The following NKD1 variants were observed in gnomAD, a reference collection of about 807,000 sequenced individuals.
NKD1 encodes protein naked cuticle homolog 1.
Under a neutral mutation model 56.0 loss-of-function variants are expected in NKD1, and 21 were observed. The observed-to-expected ratio is 0.38, with a 90% confidence interval of 0.27 to 0.54. The LOEUF is 0.54. Among genes scored for constraint, NKD1 ranks in the 20% least tolerant of loss-of-function variants. The pLI is 0.82. For missense variants in NKD1, 578 were observed against 642.7 expected (o/e 0.90, Z 1.09); for synonymous variants, 263 against 265.7 (o/e 0.99, Z 0.10).
chr16:50,618,404 C>G (rs11862424), intron 4 of NKD1, among the ~76,000 whole-genome samples: 1 of 152,164 alleles, frequency 6.6e-6, no homozygotes, highest in Non-Finnish European at 1.5e-5. Flanking sequence ...TGGCCTGCAG[C>G]GAGCACCAGT....
intron 6 of NKD1, among the ~76,000 whole-genome samples, chr16:50,627,789 G>A (rs887922425): frequency 3.3e-5 from 5 of 152,194 alleles, no homozygotes; most frequent in African/African-American, 4.8e-5. Flanking sequence ...AGCTAGAATT[G>A]CCAAAGCACA....
intron 3 of NKD1, among the ~76,000 whole-genome samples, chr16:50,589,761 TCTCTC>T (rs59102405): frequency 0.01 from 482 of 47,738 alleles, 15 homozygotes; most frequent in Admixed American, 0.014. Context: ...TCTCTTCTCT[TCTCTC>T]CTCTCCTCTC....
intron 3 of NKD1, chr16:50,557,124 A>T (rs557747277): frequency 6.6e-6 from 1 of 152,204 alleles, no homozygotes; most frequent in African/African-American, 2.4e-5. Flanking sequence ...TGGTACCTAG[A>T]GTGAAGGCCT....
rs1008501383 is a variant in NKD1 at position 50,642,814 on chromosome 16, G to T, written c.*9033G>T. 1 of 152,274 alleles carries T rather than the reference G, an allele frequency of 6.6e-6. No homozygotes were observed. Among genetic ancestry groups the T allele is most frequent in the African/African-American group, 2.4e-5 (1 of 41,452 alleles). 9.4% of individuals were successfully genotyped at this position (152,274 alleles called of 1,614,324 possible). A position where few individuals can be genotyped will look rare whatever the true frequency, so the allele number is the denominator to read the frequency against. On this transcript the variant is annotated 3_prime_UTR_variant, in exon 10 of 10. Coordinates refer to ENST00000268459, the MANE Select transcript of NKD1 (RefSeq NM_033119.5). ...CCCAGTGAGACAGCTGCTGTGGCAT[G>T]CTGCCTCTGCTACACACTCAAAAAA...
chr16:50,632,060 G>C lies in NKD1; in HGVS notation c.696-221G>C, dbSNP rs542505586. ...CACTCCTCCCAGAAGCTGCGGGGAG[G>C]TCGGGCTGTGGGCTGTGGTCTATGG... On this transcript the variant is annotated intron_variant, in intron 8 of 9. Coordinates refer to ENST00000268459, the MANE Select transcript of NKD1 (RefSeq NM_033119.5). This position sits in a 1 kb window ranked among gnomAD's most constrained non-coding sequence, Gnocchi z 4.1. Among the ~76,000 whole-genome samples, 2 of 152,336 alleles carry C rather than the reference G, an allele frequency of 1.3e-5. No individual in the cohort carries two copies. The highest frequency in any genetic ancestry group is 4.8e-5 in the African/African-American group (2 of 41,566).
At position 50,632,320 on chromosome 16, in the gene NKD1, C is replaced by T. The variant is rs747878907; in HGVS notation, c.735C>T (p.Tyr245=). The T allele has an allele frequency of 6.2e-7, 1 of 1,614,134 alleles. No individual in the cohort carries two copies. The highest frequency in any genetic ancestry group is 1.7e-5 in the Admixed American group (1 of 60,026). The change falls in exon 9 of 10, where the codon TAC becomes TAT. Residue 245 remains tyrosine, a synonymous_variant. Coordinates refer to ENST00000268459, the MANE Select transcript of NKD1 (RefSeq NM_033119.5). This position sits in a 1 kb window ranked among gnomAD's most constrained non-coding sequence, Gnocchi z 4.1. Reference sequence around the variant, plus strand: ...GCCGCCTGGAGCAGTCTGGCTGCTACCACCATTGCGTAGATGAGAACATCG... The same window carrying T: ...GCCGCCTGGAGCAGTCTGGCTGCTATCACCATTGCGTAGATGAGAACATCG... ...GDSRLEQSGC[Y]HHCVDENIER...
Position 50,554,135 on chromosome 16 carries a change from C to T in NKD1, c.192+4580C>T, listed in dbSNP as rs375325059. ...GGAGGCTGGATGCCCCTGAGCCAGA[C>T]TGTGCATGCCTTCTGTTCTCTAGAG... is the stretch of plus-strand genomic sequence containing the variant. On this transcript the variant is annotated intron_variant, in intron 3 of 9. Coordinates refer to ENST00000268459, the MANE Select transcript of NKD1 (RefSeq NM_033119.5). 7.9e-5 allele frequency among the ~76,000 whole-genome samples: 12 copies of T among 152,326 alleles called. 1 individual carries two copies. Among genetic ancestry groups the T allele is most frequent in the Admixed American group, 3.9e-4 (6 of 15,302 alleles).
At chr16:50,613,157 C>T (rs1596743300) in intron 4 of NKD1, among the ~76,000 whole-genome samples, 1 of 152,176 alleles carries the variant, frequency 6.6e-6, no homozygotes, top group African/African-American at 2.4e-5. Flanking sequence ...GGGTGACCAT[C>T]AAGCCTCCCG....
At chr16:50,621,546 G>A in intron 4 of NKD1, 56 bp from the exon 5 acceptor site, 8 of 1,308,634 alleles carry the variant, frequency 6.1e-6, no homozygotes, top group Non-Finnish European at 8.7e-6. Flanking sequence ...CAGTGAGCAT[G>A]GCTGCCCGGC....
At chr16:50,561,852 C>T (rs150276285) in intron 3 of NKD1, among the ~76,000 whole-genome samples, 4 of 152,072 alleles carry the variant, frequency 2.6e-5, no homozygotes, top group South Asian at 2.1e-4. Context: ...CACAGTCTAC[C>T]GGAGAGTAGG....
intron 3 of NKD1, among the ~76,000 whole-genome samples, chr16:50,580,911 CT>C (rs1252039113): frequency 6.6e-6 from 1 of 152,092 alleles, no homozygotes; most frequent in Non-Finnish European, 1.5e-5. Context: ...TTCTATAGAA[CT>C]ATATTGCTTT....
Position 50,640,733 on chromosome 16 carries a change from A to C in NKD1, c.*6952A>C, listed in dbSNP as rs777236937. 6.6e-6 allele frequency: 1 copy of C among 152,240 alleles called. No homozygotes were observed. Among genetic ancestry groups the C allele is most frequent in the Non-Finnish European group, 1.5e-5 (1 of 68,040 alleles). The allele number at this position is 152,240 out of a possible 1,614,324, so 9.4% of individuals were successfully genotyped here. A position where few individuals can be genotyped will look rare whatever the true frequency, so the allele number is the denominator to read the frequency against. ...GTCACATTTCAAATAAAAGTCTGGG[A>C]AAGCAACACATCATCGCCAACTTTT... On this transcript the variant is annotated 3_prime_UTR_variant, in exon 10 of 10. Transcript: ENST00000268459.
In NKD1 at chr16:50,633,373, C is replaced by G; in HGVS notation, c.1005C>G (p.Leu335=). 6.2e-7 allele frequency: 1 copy of G among 1,614,176 alleles called. No homozygotes were observed. The change falls in exon 10 of 10, where the codon CTC becomes CTG. Residue 335 remains leucine (L), a synonymous_variant. Transcript: ENST00000268459. This position sits in a 1 kb window ranked among gnomAD's most constrained non-coding sequence, Gnocchi z 4.9. ...AGGTCTCAGAGCTCCAGCAACGGCTCCGGGGCACCCAGGACGGGAGCAAGC... is the reference window on the plus strand; with the variant it reads ...AGGTCTCAGAGCTCCAGCAACGGCTGCGGGGCACCCAGGACGGGAGCAAGC... ...IAKVSELQQR[L]RGTQDGSKHF...
chr16:50,629,524 A>G (rs1403906435), intron 6 of NKD1, among the ~76,000 whole-genome samples: 1 of 152,166 alleles, frequency 6.6e-6, no homozygotes, highest in Non-Finnish European at 1.5e-5. Context: ...ACCTGCTGCC[A>G]TGGTGGATGG....
chr16:50,573,468 G>A (rs1364223718), intron 3 of NKD1, among the ~76,000 whole-genome samples: 3 of 152,218 alleles, frequency 2.0e-5, no homozygotes, highest in Admixed American at 6.5e-5. Flanking sequence ...GTGTGAAGCC[G>A]GGTGCTGCGG....
chr16:50,587,801 C>T (rs1961262772), intron 3 of NKD1, among the ~76,000 whole-genome samples: 1 of 152,180 alleles, frequency 6.6e-6, no homozygotes, highest in African/African-American at 2.4e-5. Context: ...AGCTCTGCCT[C>T]CTGTCAAAAT....
In NKD1 at chr16:50,648,619, A is replaced by C. The variant is rs771974517; in HGVS notation, c.*14838A>C. Reference sequence around the variant, plus strand: ...GCACAGGAAGCTAGTTGCTCCCCTGAATACACTCTTTCTTCCTTGTAATAC... The same window carrying C: ...GCACAGGAAGCTAGTTGCTCCCCTGCATACACTCTTTCTTCCTTGTAATAC... On this transcript the variant is annotated 3_prime_UTR_variant, in exon 10 of 10. Coordinates refer to ENST00000268459, the MANE Select transcript of NKD1 (RefSeq NM_033119.5). 9.2e-5 allele frequency: 14 copies of C among 152,192 alleles called. No homozygotes were observed. Among genetic ancestry groups the C allele is most frequent in the Admixed American group, 2.0e-4 (3 of 15,276 alleles). 9.4% of individuals were successfully genotyped at this position (152,192 alleles called of 1,614,324 possible).
intron 3 of NKD1, among the ~76,000 whole-genome samples, chr16:50,583,239 C>T (rs1284372505): frequency 6.6e-6 from 1 of 152,182 alleles, no homozygotes; most frequent in Non-Finnish European, 1.5e-5. Flanking sequence ...AGCCTGGCAG[C>T]TTTTGCTTTT....
intron 3 of NKD1, chr16:50,558,214 G>A (rs1000583590): frequency 2.0e-5 from 3 of 152,198 alleles, no homozygotes; most frequent in African/African-American, 7.2e-5. Context: ...TGACTCAGAC[G>A]ACTGGATTTG....
Sources: gnomAD v4.1 joint callset for allele counts (sites outside exome capture counted in the v4.1 genomes callset) on GRCh38, gnomAD v4.1.1 for gene constraint, Gnocchi (gnomAD v3.1) non-coding constraint, MANE v1.5 for transcripts, NCBI Gene and HGNC (gene_info 2026-07-23, HGNC 2026-07-21) for gene names.